The following NFASC variants were observed in gnomAD, a reference collection of about 807,000 sequenced individuals.
The protein encoded by NFASC is neurofascin.
Under a neutral mutation model 147.5 loss-of-function variants are expected in NFASC, and 43 were observed. The observed-to-expected ratio is 0.29, with a 90% confidence interval of 0.23 to 0.38. NFASC has a LOEUF of 0.38. NFASC is among the 10% of genes least tolerant of loss of function. The pLI is 1.00. For missense variants in NFASC, 1,320 were observed against 1,689.0 expected, an observed-to-expected ratio of 0.78 and a Z score of 3.83; for synonymous variants, 622 against 665.5, an observed-to-expected ratio of 0.93 and a Z score of 1.01.
intron 2 of NFASC, among the ~76,000 whole-genome samples, chr1:204,943,212 G>T (rs1182794402): frequency 2.0e-5 from 3 of 152,160 alleles, no homozygotes; most frequent in Non-Finnish European, 4.4e-5. Context: ...TAACAAACTG[G>T]ACCAATTTTT....
intron 1 of NFASC, among the ~76,000 whole-genome samples, chr1:204,890,414 A>G (rs1252179841): frequency 6.6e-6 from 1 of 152,178 alleles, no homozygotes; most frequent in African/African-American, 2.4e-5. Flanking sequence ...ATCCTTTTAT[A>G]AGTAAATAAA....
chr1:204,838,587 C>T (rs1041681842), intron 1 of NFASC, among the ~76,000 whole-genome samples: 1 of 150,856 alleles, frequency 6.6e-6, no homozygotes, highest in Non-Finnish European at 1.5e-5. Flanking sequence ...TAAGACTTTT[C>T]GGAGCCTGGA....
chr1:204,976,114 A>G (rs112953840), intron 15 of NFASC, among the ~76,000 whole-genome samples: 1,906 of 152,214 alleles, frequency 0.013, 39 homozygotes, highest in African/African-American at 0.043. Flanking sequence ...TCTAGCCATC[A>G]TTTGACTTTT....
In NFASC at chr1:204,997,344, C is replaced by T; in HGVS notation, c.2957C>T (p.Ala986Val). The change falls in exon 25 of 30, where the codon GCC becomes GTC. Residue 986 changes from alanine to valine, a missense_variant. By Grantham distance (64) the Ala-to-Val change is moderately conservative. Transcript: ENST00000339876. ...TVATTTTTTA[A>V]ATTTTESPPT... ...GCCACAACTACTACAACCACTGCTG[C>T]CGCCACCACCACCACGGAGAGTCCT... 1 of 1,562,176 alleles carries T rather than the reference C, an allele frequency of 6.4e-7. No individual in the cohort carries two copies.
intron 1 of NFASC, among the ~76,000 whole-genome samples, chr1:204,876,980 T>A (rs2078918204): frequency 1.7e-5 from 2 of 118,274 alleles, no homozygotes; most frequent in Admixed American, 1.1e-4. Flanking sequence ...TTATGCCAAA[T>A]GAGTTGGCTA....
In NFASC at chr1:204,980,368, A is replaced by G; in HGVS notation, c.2177-2A>G. 6.2e-7 allele frequency: 1 copy of G among 1,613,318 alleles called. No homozygotes were observed. The highest frequency in any genetic ancestry group is 8.5e-7 in the Non-Finnish European group (1 of 1,179,520). ...TTGAGCCTGTGTCTGTTTGGGTTCC[A>G]GCCCCCGAGTCCAATCCTGGTGACG... On this transcript the variant is annotated splice_acceptor_variant, in intron 19 of 29. Coordinates refer to ENST00000339876, the MANE Select transcript of NFASC (RefSeq NM_001005388.3). LOFTEE classifies it high-confidence loss of function.
intron 15 of NFASC, among the ~76,000 whole-genome samples, chr1:204,976,385 G>A (rs180800813): frequency 8.7e-4 from 133 of 152,336 alleles, no homozygotes; most frequent in African/African-American, 3.1e-3. Context: ...GCACAGCACA[G>A]TAAAGGCACA....
At position 205,016,037 on chromosome 1, in the gene NFASC, T is replaced by C. The variant is rs542671317; in HGVS notation, c.3492-271T>C. On this transcript the variant is annotated intron_variant, in intron 29 of 29. Transcript: ENST00000339876. This position sits in a 1 kb window ranked among gnomAD's most constrained non-coding sequence, Gnocchi z 5.1. Reference sequence around the variant, plus strand: ...TTCCACCACACACAGGGACCCAATCTCATGGAAAAGACCCAGAACAGGAGC... The same window carrying C: ...TTCCACCACACACAGGGACCCAATCCCATGGAAAAGACCCAGAACAGGAGC... 6.6e-6 allele frequency among the ~76,000 whole-genome samples: 1 copy of C among 152,144 alleles called. No homozygotes were observed. Among genetic ancestry groups the C allele is most frequent in the South Asian group, 2.1e-4 (1 of 4,822 alleles).
At chr1:205,005,539 C>T (rs2096087444) in intron 27 of NFASC, among the ~76,000 whole-genome samples, 1 of 152,178 alleles carries the variant, frequency 6.6e-6, no homozygotes, top group Non-Finnish European at 1.5e-5. Flanking sequence ...TCTTTGCACA[C>T]AGATATTACT....
chr1:204,970,567 C>T, intron 10 of NFASC, 49 bp from the exon 11 acceptor site: 2 of 1,609,904 alleles, frequency 1.2e-6, no homozygotes, highest in Non-Finnish European at 1.7e-6. Flanking sequence ...TTTCTTCTGC[C>T]TGTCCCATGC....
At chr1:204,984,382 C>CGTAT (rs1299085353) in intron 21 of NFASC, 1 of 134,110 alleles carries the variant, frequency 7.5e-6, no homozygotes, top group African/African-American at 3.0e-5. Flanking sequence ...TATATATACG[C>CGTAT]ATATATATAT....
chr1:204,948,749 G>A (rs1165717359), intron 3 of NFASC: 7 of 518,382 alleles, frequency 1.4e-5, no homozygotes, highest in East Asian at 5.4e-5. Flanking sequence ...GTCAGCCTTC[G>A]ATTCTATAAA....
intron 1 of NFASC, among the ~76,000 whole-genome samples, chr1:204,879,570 A>G (rs898189717): frequency 2.0e-5 from 3 of 152,252 alleles, no homozygotes; most frequent in African/African-American, 7.2e-5. Flanking sequence ...GTGGTTATGT[A>G]AAAATCTCAC....
At chr1:204,836,317 T>C (rs2102417586) in intron 1 of NFASC, among the ~76,000 whole-genome samples, 1 of 152,344 alleles carries the variant, frequency 6.6e-6, no homozygotes, top group South Asian at 2.1e-4. Context: ...TATCTTACTG[T>C]GTGTTGACCA....
chr1:204,995,511 G>A (rs140581609), intron 24 of NFASC, among the ~76,000 whole-genome samples: 1 of 152,166 alleles, frequency 6.6e-6, no homozygotes, highest in Non-Finnish European at 1.5e-5. Flanking sequence ...TCCGCACGCC[G>A]CCCTGATGTC....
At position 204,954,317 on chromosome 1, in the gene NFASC, A is replaced by G. The variant is rs777870015; in HGVS notation, c.345A>G (p.Glu115=). The G allele has an allele frequency of 2.5e-6, 4 of 1,614,176 alleles. No individual in the cohort carries two copies. In the East Asian group the frequency reaches 6.7e-5, roughly 27 times the overall value. Residue 115 remains glutamate, a synonymous_variant, in exon 6 of 30, where the codon GAA becomes GAG. Coordinates refer to ENST00000339876, the MANE Select transcript of NFASC (RefSeq NM_001005388.3). The surrounding 1 kb of genome is among the most constrained non-coding windows in gnomAD (Gnocchi z 5.7). ...SGGRPEEYEG[E]YQCFARNKFG... is the part of the protein sequence containing the mutation. ...GGCGGCCGGAGGAATATGAGGGGGA[A>G]TATCAGTGCTTCGCCCGCAACAAAT...
chr1:204,905,159 A>T (rs976253670), intron 1 of NFASC, among the ~76,000 whole-genome samples: 1 of 152,158 alleles, frequency 6.6e-6, no homozygotes, highest in Non-Finnish European at 1.5e-5. Context: ...GTCATAGTGC[A>T]TCATAGCCTG....
intron 1 of NFASC, among the ~76,000 whole-genome samples, chr1:204,875,875 C>T (rs2078685888): frequency 6.6e-6 from 1 of 152,100 alleles, no homozygotes; most frequent in African/African-American, 2.4e-5. Context: ...TTCTATCAGA[C>T]TGAGGAGAGG....
rs58294218 is a variant in NFASC, at chr1:204,830,006, G to GGTGTGTGTGT, written c.-200+1255_-200+1264dup. Among the ~76,000 whole-genome samples the GGTGTGTGTGT allele has an allele frequency of 8.3e-3, 1,199 of 144,080 alleles. 13 individuals carry two copies. The highest frequency in any genetic ancestry group is 0.024 in the Admixed American group (350 of 14,498). The allele number at this position is 144,080 out of a possible 152,430, so 94.5% of individuals were successfully genotyped here. A position where few individuals can be genotyped will look rare whatever the true frequency, so the allele number is the denominator to read the frequency against. ...CTCCTTCCTTGGCATTTTGGCATGGGGTGTGTGTGTGTGTGTGTGTGTGTG... is the reference window on the plus strand; with the variant it reads ...CTCCTTCCTTGGCATTTTGGCATGGGGTGTGTGTGTGTGTGTGTGTGTGTGTGTGTGTGTG... On this transcript the variant is annotated intron_variant, in intron 1 of 29. Transcript: ENST00000339876.
Sources: allele counts gnomAD v4.1 joint callset (sites outside exome capture counted in the v4.1 genomes callset), GRCh38; gene constraint gnomAD v4.1.1; non-coding constraint Gnocchi (gnomAD v3.1); transcripts MANE v1.5; gene names NCBI Gene and HGNC (gene_info 2026-07-23, HGNC 2026-07-21).